PTPN3: variants seen among roughly 807,000 people sequenced by gnomAD.
PTPN3 encodes the protein tyrosine-protein phosphatase non-receptor type 3.
PTPN3 carries 96 observed loss-of-function variants against 132.7 expected under a neutral mutation model. The ratio of observed to expected loss-of-function variants is 0.72; its 90% CI spans 0.61 to 0.86. The LOEUF (loss-of-function observed/expected upper bound fraction) is 0.86. PTPN3 is among the 40% of genes least tolerant of loss of function. PTPN3 has a pLI of 0.00. For missense variants in PTPN3, 1,125 were observed against 1,159.6 expected, an observed-to-expected ratio of 0.97 and a Z score of 0.43; for synonymous variants, 398 against 429.0, an observed-to-expected ratio of 0.93 and a Z score of 0.89.
intron 14 of PTPN3, among the ~76,000 whole-genome samples, chr9:109,419,024 C>G (rs1287120707): frequency 6.6e-6 from 1 of 152,222 alleles, no homozygotes; most frequent in Admixed American, 6.5e-5. Flanking sequence ...TCTAGATGTG[C>G]TTGTGGTTTG....
At chr9:109,532,944 G>GTTTTTT in the PTPN3 span, 20 of 312,174 alleles carry the variant, frequency 6.4e-5, no homozygotes, top group African/African-American at 5.8e-4. Context: ...TCTTTTCTGG[G>GTTTTTT]TTTTTTTTTT....
the PTPN3 span, among the ~76,000 whole-genome samples, chr9:109,505,978 C>A: frequency 6.6e-6 from 1 of 151,620 alleles, no homozygotes; most frequent in Non-Finnish European, 1.5e-5. Flanking sequence ...GTCTCGATCT[C>A]CTGACCTCGT....
chr9:109,442,727 T>A lies in PTPN3; in HGVS notation c.466+2513A>T, dbSNP rs557522394. Among the ~76,000 whole-genome samples the A allele has an allele frequency of 8.5e-5, 13 of 152,316 alleles. No homozygotes were observed. The South Asian group carries it at 2.7e-3, about 32-fold the overall frequency. On this transcript the variant is annotated intron_variant, in intron 7 of 25. Coordinates refer to ENST00000374541, the MANE Select transcript of PTPN3 (RefSeq NM_002829.4). ...ACGTGCCATGCACTATTCTAATAGT[T>A]TTACATACAGTCACTCATTTCATCT...
intron 8 of PTPN3, among the ~76,000 whole-genome samples, chr9:109,437,500 G>T (rs1277214066): frequency 1.3e-5 from 2 of 152,198 alleles, no homozygotes; most frequent in African/African-American, 2.4e-5. Flanking sequence ...TTGAGAGCTG[G>T]CCTTCTTGGT....
intron 19 of PTPN3, among the ~76,000 whole-genome samples, chr9:109,394,223 T>C (rs980777494): frequency 6.6e-6 from 1 of 152,212 alleles, no homozygotes; most frequent in African/African-American, 2.4e-5. Flanking sequence ...TAAGTGAACA[T>C]AGTAAAGCTA....
chr9:109,445,574 G>A (rs570886317), intron 6 of PTPN3, among the ~76,000 whole-genome samples: 2 of 152,174 alleles, frequency 1.3e-5, no homozygotes, highest in East Asian at 3.9e-4. Flanking sequence ...GGCTGCTCAA[G>A]AAGGGTCAGG....
At chr9:109,447,155 TA>T (rs893199364) in intron 6 of PTPN3, among the ~76,000 whole-genome samples, 1 of 152,088 alleles carries the variant, frequency 6.6e-6, no homozygotes, top group Non-Finnish European at 1.5e-5. Flanking sequence ...CACATGGAAA[TA>T]ACAAGGGGCA....
At chr9:109,515,594 G>GT in the PTPN3 span, among the ~76,000 whole-genome samples, 1 of 152,150 alleles carries the variant, frequency 6.6e-6, no homozygotes, top group Admixed American at 6.5e-5. Flanking sequence ...AAGAAAAAAG[G>GT]TTTTTTGGCT....
intron 1 of PTPN3, among the ~76,000 whole-genome samples, chr9:109,473,453 C>A (rs2132078584): frequency 6.6e-6 from 1 of 152,212 alleles, no homozygotes; most frequent in Non-Finnish European, 1.5e-5. Flanking sequence ...ATGACACTTG[C>A]AAAACTAACA....
the PTPN3 span, chr9:109,533,864 G>T: frequency 1.3e-6 from 1 of 785,480 alleles, no homozygotes; most frequent in Middle Eastern, 3.6e-4. Flanking sequence ...CTGGTAATTG[G>T]GTGGAGGACC....
Position 109,379,400 on chromosome 9 carries a change from G to A in PTPN3, c.*156C>T, listed in dbSNP as rs1838834343. The A allele has an allele frequency of 6.3e-6, 4 of 632,810 alleles. No individual in the cohort carries two copies. The highest frequency in any genetic ancestry group is 1.9e-5 in the South Asian group (1 of 51,818). The allele number at this position is 632,810 out of a possible 1,614,324, so 39.2% of individuals were successfully genotyped here. ...TATCTACACCAGTTCCTATGTACACGATATCTTTTCTATAGAAGTTTAAAG... is the reference window on the plus strand; with the variant it reads ...TATCTACACCAGTTCCTATGTACACAATATCTTTTCTATAGAAGTTTAAAG... On this transcript the variant is annotated 3_prime_UTR_variant, in exon 26 of 26. Transcript: ENST00000374541.
At position 109,400,174 on chromosome 9, in the gene PTPN3, T is replaced by C. The variant is rs1049226227; in HGVS notation, c.1953+4274A>G. 4.1e-5 allele frequency among the ~76,000 whole-genome samples: 6 copies of C among 147,042 alleles called. No individual in the cohort carries two copies. In the South Asian group the frequency reaches 6.4e-4, roughly 16 times the overall value. On this transcript the variant is annotated intron_variant, in intron 19 of 25. Coordinates refer to ENST00000374541, the MANE Select transcript of PTPN3 (RefSeq NM_002829.4). ...AACTCCTGGCCTCAAGTGATCCCCC[T>C]GTTTTGGCCTCCCAAAGTACTGGGA...
the PTPN3 span, among the ~76,000 whole-genome samples, chr9:109,508,688 A>G: frequency 6.6e-6 from 1 of 151,558 alleles, no homozygotes; most frequent in Non-Finnish European, 1.5e-5. Context: ...TCCTTCCAGA[A>G]TTTTTCTTGC....
At chr9:109,425,095 TC>T (rs1843146120) in intron 12 of PTPN3, among the ~76,000 whole-genome samples, 4 of 152,152 alleles carry the variant, frequency 2.6e-5, no homozygotes, top group Admixed American at 2.0e-4. Context: ...CATGGCTTGC[TC>T]AACAGTAGAT....
At chr9:109,483,623 G>A (rs1475715553) in intron 1 of PTPN3, among the ~76,000 whole-genome samples, 3 of 152,132 alleles carry the variant, frequency 2.0e-5, no homozygotes, top group African/African-American at 7.2e-5. Context: ...CAGACTGTGA[G>A]GGATGAGATA....
intron 22 of PTPN3, among the ~76,000 whole-genome samples, chr9:109,387,502 G>C (rs1316611955): frequency 6.6e-6 from 1 of 152,200 alleles, no homozygotes; most frequent in Non-Finnish European, 1.5e-5. Flanking sequence ...GTGAGACAAG[G>C]AGGCCAGGAT....
At chr9:109,391,306 A>G in intron 20 of PTPN3, 107 bp from the exon 21 acceptor site, 1 of 1,279,176 alleles carries the variant, frequency 7.8e-7, no homozygotes, top group Non-Finnish European at 1.1e-6. Flanking sequence ...CCTCATTAGC[A>G]TAAACACTAT....
intron 1 of PTPN3, 131 bp from the exon 2 acceptor site, chr9:109,463,582 A>C: frequency 1.4e-6 from 1 of 732,096 alleles, no homozygotes; most frequent in Non-Finnish European, 2.0e-6. Flanking sequence ...ACTACATAGC[A>C]GATCATGTTT....
the PTPN3 span, among the ~76,000 whole-genome samples, chr9:109,528,274 A>G: frequency 6.6e-6 from 1 of 152,254 alleles, no homozygotes; most frequent in Admixed American, 6.5e-5. Context: ...AGCAAAAGAC[A>G]TGTATTTGAA....
Sources: gnomAD v4.1 joint callset for allele counts (sites outside exome capture counted in the v4.1 genomes callset) on GRCh38, gnomAD v4.1.1 for gene constraint, MANE v1.5 for transcripts, NCBI Gene and HGNC (gene_info 2026-07-23, HGNC 2026-07-21) for gene names.